Variants in ERGIC1 observed in about 807,000 individuals in gnomAD.
ERGIC1 encodes endoplasmic reticulum-golgi intermediate compartment 1.
A neutral mutation model predicts 38.3 loss-of-function variants in ERGIC1; 19 were observed. That is an observed-to-expected ratio of 0.50 (90% CI 0.35 to 0.73). The LOEUF (loss-of-function observed/expected upper bound fraction) is 0.73. Ranked by LOEUF, ERGIC1 falls within the 30% of genes least tolerant of loss-of-function variation. The pLI is 0.01. For missense variants in ERGIC1, 294 were observed against 389.2 expected, an observed-to-expected ratio of 0.76 and a Z score of 2.06; for synonymous variants, 124 against 157.6, an observed-to-expected ratio of 0.79 and a Z score of 1.60.
chr5:172,925,448 T>C (rs1267423473), intron 6 of ERGIC1, among the ~76,000 whole-genome samples: 1 of 152,126 alleles, frequency 6.6e-6, no homozygotes, highest in Non-Finnish European at 1.5e-5. Context: ...TCCTTCCAGT[T>C]GTTGAGGAAT....
At chr5:172,865,677 C>T (rs1761839819) in intron 1 of ERGIC1, among the ~76,000 whole-genome samples, 1 of 152,180 alleles carries the variant, frequency 6.6e-6, no homozygotes, top group South Asian at 2.1e-4. Flanking sequence ...TTGCTTTAGT[C>T]TTGCCTGTTC....
intron 4 of ERGIC1, 115 bp from the exon 5 acceptor site, chr5:172,914,599 C>T (rs762486630): frequency 6.4e-7 from 1 of 1,574,198 alleles, no homozygotes. Flanking sequence ...CCTGGAGGTC[C>T]CCAGCCCGGC....
chr5:172,868,516 C>T (rs181115259), intron 1 of ERGIC1, among the ~76,000 whole-genome samples: 15 of 152,220 alleles, frequency 9.9e-5, no homozygotes, highest in Non-Finnish European at 1.6e-4. Context: ...ACTATGGAGA[C>T]GGTAAAAGAT....
At chr5:172,882,916 G>C (rs1762319893) in intron 1 of ERGIC1, among the ~76,000 whole-genome samples, 1 of 152,104 alleles carries the variant, frequency 6.6e-6, no homozygotes, top group South Asian at 2.1e-4. Context: ...GCTAAGTGGG[G>C]TGGTGGTGAT....
chr5:172,850,515 T>C (rs1761378220), intron 1 of ERGIC1, among the ~76,000 whole-genome samples: 1 of 152,102 alleles, frequency 6.6e-6, no homozygotes, highest in Non-Finnish European at 1.5e-5. Flanking sequence ...GGGCACCGTG[T>C]AGTGCGGAGA....
At chr5:172,848,724 G>A (rs1455794312) in intron 1 of ERGIC1, among the ~76,000 whole-genome samples, 1 of 152,234 alleles carries the variant, frequency 6.6e-6, no homozygotes, top group Admixed American at 6.5e-5. Flanking sequence ...GAAGTAGAGA[G>A]ACAGGGAGGA....
At chr5:172,899,787 A>C (rs115588536) in intron 3 of ERGIC1, among the ~76,000 whole-genome samples, 4,003 of 152,338 alleles carry the variant, frequency 0.026, 71 homozygotes, top group South Asian at 0.097. Context: ...AAAGACAAGA[A>C]CTAAAGCAGG....
At chr5:172,874,245 CT>C (rs1480151837) in intron 1 of ERGIC1, among the ~76,000 whole-genome samples, 2 of 151,956 alleles carry the variant, frequency 1.3e-5, no homozygotes, top group South Asian at 2.1e-4. Flanking sequence ...CGCCTGGCTA[CT>C]TTTTTTGTAT....
intron 1 of ERGIC1, among the ~76,000 whole-genome samples, chr5:172,881,581 G>A (rs981035098): frequency 2.6e-5 from 4 of 152,186 alleles, no homozygotes; most frequent in Admixed American, 2.6e-4. Flanking sequence ...TTCTGTGTTT[G>A]AGGCTAAGCA....
intron 9 of ERGIC1, among the ~76,000 whole-genome samples, chr5:172,938,484 G>A (rs1207152026): frequency 6.6e-6 from 1 of 152,194 alleles, no homozygotes; most frequent in Admixed American, 6.5e-5. Flanking sequence ...CGGGCACGGT[G>A]GCTTATGCCT....
intron 1 of ERGIC1, among the ~76,000 whole-genome samples, chr5:172,886,116 C>G (rs1045792738): frequency 6.6e-6 from 1 of 152,020 alleles, no homozygotes; most frequent in Non-Finnish European, 1.5e-5. Flanking sequence ...CACAGTAGAC[C>G]GCCCGCCGGC....
At chr5:172,878,167 T>C (rs1336309067) in intron 1 of ERGIC1, among the ~76,000 whole-genome samples, 1 of 152,144 alleles carries the variant, frequency 6.6e-6, no homozygotes, top group Non-Finnish European at 1.5e-5. Context: ...AAGTGGAGGC[T>C]GCTGGAGCTG....
chr5:172,925,244 G>GA (rs1395974526), intron 6 of ERGIC1, among the ~76,000 whole-genome samples: 1 of 151,666 alleles, frequency 6.6e-6, no homozygotes, highest in Non-Finnish European at 1.5e-5. Flanking sequence ...CCCAAAAAAA[G>GA]AAAAAATAAA....
At chr5:172,901,991 T>G (rs1762892998) in intron 3 of ERGIC1, among the ~76,000 whole-genome samples, 1 of 152,158 alleles carries the variant, frequency 6.6e-6, no homozygotes, top group Non-Finnish European at 1.5e-5. Context: ...CTGGGGAAAC[T>G]GAGGCACCAG....
At chr5:172,876,706 A>G (rs1010593525) in intron 1 of ERGIC1, among the ~76,000 whole-genome samples, 7 of 152,180 alleles carry the variant, frequency 4.6e-5, no homozygotes, top group Non-Finnish European at 8.8e-5. Flanking sequence ...TATCTACACC[A>G]CACCCCAAAG....
intron 9 of ERGIC1, among the ~76,000 whole-genome samples, chr5:172,944,901 C>T (rs936892318): frequency 2.0e-5 from 3 of 152,262 alleles, no homozygotes; most frequent in African/African-American, 7.2e-5. Flanking sequence ...GCCTTCCCCA[C>T]GCCCCCGGCT....
chr5:172,933,994 G>A (rs892276896), intron 8 of ERGIC1: 1 of 152,028 alleles, frequency 6.6e-6, no homozygotes, highest in Non-Finnish European at 1.5e-5. Flanking sequence ...TCTGGGTTGT[G>A]ACCCAGACAG....
chr5:172,899,622 G>T (rs1309439309), intron 3 of ERGIC1, among the ~76,000 whole-genome samples: 1 of 152,078 alleles, frequency 6.6e-6, no homozygotes, highest in Non-Finnish European at 1.5e-5. Flanking sequence ...CCTAGCCTGG[G>T]ACTCACTTCT....
At chr5:172,943,169 G>C (rs1337344722) in intron 9 of ERGIC1, among the ~76,000 whole-genome samples, 1 of 152,176 alleles carries the variant, frequency 6.6e-6, no homozygotes, top group Non-Finnish European at 1.5e-5. Flanking sequence ...TGAGAAAAGA[G>C]GAGAAGGTGC....
Sources: gnomAD v4.1 joint callset for allele counts (sites outside exome capture counted in the v4.1 genomes callset) on GRCh38, gnomAD v4.1.1 for gene constraint, MANE v1.5 for transcripts, NCBI Gene and HGNC (gene_info 2026-07-23, HGNC 2026-07-21) for gene names.